The following HACD3 variants were observed in gnomAD, a reference collection of about 807,000 sequenced individuals.
HACD3 encodes very-long-chain (3R)-3-hydroxyacyl-CoA dehydratase 3.
HACD3 carries 30 observed loss-of-function variants against 55.2 expected under a neutral mutation model. That is an observed-to-expected ratio of 0.54 (90% CI 0.41 to 0.74). The LOEUF (loss-of-function observed/expected upper bound fraction) is 0.74, where lower values mean the gene tolerates loss of function less well. Ranked by LOEUF, HACD3 falls within the 30% of genes least tolerant of loss-of-function variation. HACD3 has a pLI of 0.00. For missense variants in HACD3, 363 were observed against 440.1 expected, an observed-to-expected ratio of 0.82 and a Z score of 1.57; for synonymous variants, 141 against 151.7, an observed-to-expected ratio of 0.93 and a Z score of 0.52.
rs1019854941 is a variant in HACD3, at chr15:65,574,025, T to G, written c.1012+1659T>G. Among the ~76,000 whole-genome samples, 3 of 152,230 alleles carry G rather than the reference T, an allele frequency of 2.0e-5. No homozygotes were observed. In the East Asian group the frequency reaches 5.8e-4, roughly 29 times the overall value. On this transcript the variant is annotated intron_variant, in intron 10 of 10. Transcript: ENST00000261875. ...GACTTAAGGTGGCCCTAAATAAATA[T>G]AACTGTCCAGTCTCCTAGCCACAGA...
chr15:65,553,724 A>G (rs918175099), intron 2 of HACD3, among the ~76,000 whole-genome samples: 85 of 152,366 alleles, frequency 5.6e-4, no homozygotes, highest in African/African-American at 2.0e-3. Context: ...TAAGGAATTT[A>G]TCGTCACAGA....
intron 1 of HACD3, among the ~76,000 whole-genome samples, chr15:65,548,395 C>T (rs1217719808): frequency 1.3e-5 from 2 of 151,526 alleles, no homozygotes; most frequent in Non-Finnish European, 2.9e-5. Context: ...GACCTGTAGT[C>T]CCAGATACTT....
chr15:65,555,135 G>C (rs183987325), intron 3 of HACD3, among the ~76,000 whole-genome samples, 175 bp downstream of exon 3: 11 of 152,346 alleles, frequency 7.2e-5, no homozygotes, highest in Non-Finnish European at 1.6e-4. Flanking sequence ...GGGAAAGTCA[G>C]AGACCCCAAG....
intron 7 of HACD3, among the ~76,000 whole-genome samples, chr15:65,569,770 G>A (rs1211359954): frequency 2.6e-5 from 4 of 152,164 alleles, no homozygotes; most frequent in South Asian, 4.1e-4. Context: ...GGGGTCCCAC[G>A]TTTGTAGTGC....
intron 2 of HACD3, among the ~76,000 whole-genome samples, chr15:65,552,156 G>A (rs550001068): frequency 9.9e-5 from 15 of 152,226 alleles, no homozygotes; most frequent in African/African-American, 3.6e-4. Flanking sequence ...ATTGAGAAAC[G>A]TGAAGAATTA....
In HACD3 at chr15:65,558,617, G is replaced by A. The variant is rs1244866735; in HGVS notation, c.370-63G>A. ...AGTCAGATTACTCAGCCAGCATATG[G>A]ACTTTTGCAAGCATCTGGGAATTCT... On this transcript the variant is annotated intron_variant, in intron 4 of 10. Transcript: ENST00000261875. 7 of 1,485,154 alleles carry A rather than the reference G, an allele frequency of 4.7e-6. No individual in the cohort carries two copies. The African/African-American group carries it at 9.8e-5, about 21-fold the overall frequency. 92.0% of individuals were successfully genotyped at this position (1,485,154 alleles called of 1,614,324 possible). A position where few individuals can be genotyped will look rare whatever the true frequency, so the allele number is the denominator to read the frequency against.
intron 1 of HACD3, among the ~76,000 whole-genome samples, chr15:65,534,686 A>G (rs923547401): frequency 5.9e-5 from 9 of 152,052 alleles, no homozygotes; most frequent in Non-Finnish European, 1.3e-4. Context: ...AACTGAACAC[A>G]TGAGATTGGG....
At position 65,554,946 on chromosome 15, in the gene HACD3, C is replaced by G; in HGVS notation, c.190C>G (p.Leu64Val). The G allele has an allele frequency of 6.2e-7, 1 of 1,606,906 alleles. No individual in the cohort carries two copies. The highest frequency in any genetic ancestry group is 8.5e-7 in the Non-Finnish European group (1 of 1,173,498). Reference protein sequence around the residue: ...VYEFHLEFLDLVKPEPVYKLT... With the variant: ...VYEFHLEFLDVVKPEPVYKLT... ...TGAATTTCACCTGGAGTTCTTAGAC[C>G]TTGTGAAACCAGAGGTATGTTCTTT... The change falls in exon 3 of 11, where the codon CTT becomes GTT. Residue 64 changes from leucine to valine, a missense_variant. Coordinates refer to ENST00000261875, the MANE Select transcript of HACD3 (RefSeq NM_016395.4).
At chr15:65,549,426 GAAAAAAAAAAAA>G (rs34149100) in intron 1 of HACD3, among the ~76,000 whole-genome samples, 29,756 of 111,630 alleles carry the variant, frequency 0.27, 3,675 homozygotes, top group African/African-American at 0.39. Context: ...TCTCTGCTGG[GAAAAAAAAAAAA>G]AAAAAAAAAA....
At chr15:65,557,861 C>CT (rs1453736382) in intron 4 of HACD3, among the ~76,000 whole-genome samples, 1 of 151,108 alleles carries the variant, frequency 6.6e-6, no homozygotes, top group Non-Finnish European at 1.5e-5. Flanking sequence ...ACTAACTGGC[C>CT]TTTGGTTATG....
rs1350244421 is a variant in HACD3 at position 65,564,084 on chromosome 15, A to G, written c.533-131A>G. 3.1e-5 allele frequency: 36 copies of G among 1,174,424 alleles called. No individual in the cohort carries two copies. In the East Asian group the frequency reaches 7.8e-4, roughly 25 times the overall value. The allele number at this position is 1,174,424 out of a possible 1,614,324, so 72.8% of individuals were successfully genotyped here. A position where few individuals can be genotyped will look rare whatever the true frequency, so the allele number is the denominator to read the frequency against. On this transcript the variant is annotated intron_variant, in intron 6 of 10. Transcript: ENST00000261875. ...CCCTTCCTGCTTAGTTAAGTAAGAA[A>G]CTTGAATCTGACTGGATGTTTGTTA...
At chr15:65,549,256 T>C (rs1025115217) in intron 1 of HACD3, among the ~76,000 whole-genome samples, 1 of 152,102 alleles carries the variant, frequency 6.6e-6, no homozygotes, top group Non-Finnish European at 1.5e-5. Context: ...ACTTGAACTT[T>C]GGTTTTGACA....
intron 1 of HACD3, among the ~76,000 whole-genome samples, chr15:65,539,210 C>CTT (rs71139414): frequency 3.7e-5 from 2 of 54,326 alleles, no homozygotes; most frequent in Non-Finnish European, 6.4e-5. Context: ...AGTGACAGGA[C>CTT]TTTTTTTTTT....
chr15:65,558,292 G>A (rs2072213704), intron 4 of HACD3, among the ~76,000 whole-genome samples: 1 of 152,132 alleles, frequency 6.6e-6, no homozygotes, highest in Non-Finnish European at 1.5e-5. Flanking sequence ...TTAGCTTCTG[G>A]AAAAATTATA....
intron 4 of HACD3, 86 bp downstream of exon 4, chr15:65,556,989 T>C: frequency 1.6e-6 from 2 of 1,279,722 alleles, no homozygotes; most frequent in Non-Finnish European, 1.1e-6. Flanking sequence ...CCTCTCGGTC[T>C]GAAAGAATAG....
rs148463507 is a variant in HACD3, at chr15:65,575,583, T to C, written c.1013-720T>C. On this transcript the variant is annotated intron_variant, in intron 10 of 10. Transcript: ENST00000261875. ...ATTTTACTGTAAAAGAAAGAAAGAA[T>C]ATTGAACTATACCTACCTGAAGAAT... 4.8e-3 allele frequency among the ~76,000 whole-genome samples: 730 copies of C among 152,280 alleles called. 3 individuals carry two copies. Among genetic ancestry groups the C allele is most frequent in the Non-Finnish European group, 7.3e-3 (496 of 68,020 alleles).
chr15:65,569,591 C>T (rs2072328680), intron 7 of HACD3, among the ~76,000 whole-genome samples: 2 of 151,862 alleles, frequency 1.3e-5, no homozygotes, highest in Admixed American at 1.3e-4. Context: ...ACCTGTGATC[C>T]CAGCTACTTG....
chr15:65,564,403 A>C, intron 7 of HACD3, 61 bp downstream of exon 7: 1 of 1,569,330 alleles, frequency 6.4e-7, no homozygotes, highest in Non-Finnish European at 8.7e-7. Context: ...TCTAGTGGGT[A>C]TGTGTATTAG....
At chr15:65,530,885 G>T in intron 1 of HACD3, 167 bp downstream of exon 1, 1 of 647,334 alleles carries the variant, frequency 1.5e-6, no homozygotes, top group South Asian at 2.1e-5. Context: ...AGGCTCATCT[G>T]CAGATCTCGG....
Sources: allele counts gnomAD v4.1 joint callset (sites outside exome capture counted in the v4.1 genomes callset), GRCh38; gene constraint gnomAD v4.1.1; transcripts MANE v1.5; gene names NCBI Gene and HGNC (gene_info 2026-07-23, HGNC 2026-07-21).